The following MED16 variants were observed in gnomAD, a reference collection of about 807,000 sequenced individuals.
MED16 encodes mediator of RNA polymerase II transcription subunit 16.
MED16 carries 81 observed loss-of-function variants against 84.4 expected under a neutral mutation model. That is an observed-to-expected ratio of 0.96 (90% CI 0.80 to 1.15). The LOEUF (loss-of-function observed/expected upper bound fraction) is 1.15, where lower values mean the gene tolerates loss of function less well. Among genes scored for constraint, MED16 ranks in the 50% most tolerant of loss-of-function variants. The pLI, the probability that MED16 is intolerant of heterozygous loss-of-function variation, is 0.00. For missense variants in MED16, 1,585 were observed against 1,245.9 expected (o/e 1.27, Z -4.10); for synonymous variants, 897 against 552.2 (o/e 1.62, Z -8.76).
chr19:881,846 A>G, intron 6 of MED16, 132 bp from the exon 7 acceptor site: 1 of 1,123,956 alleles, frequency 8.9e-7, no homozygotes, highest in Non-Finnish European at 1.3e-6. Flanking sequence ...CCCTGCTCCC[A>G]TGCCCAGAAG....
Position 893,146 on chromosome 19 carries a change from G to C in MED16, c.-79C>G, listed in dbSNP as rs1325052993. 1 of 152,264 alleles carries C rather than the reference G, an allele frequency of 6.6e-6. No homozygotes were observed. The highest frequency in any genetic ancestry group is 1.5e-5 in the Non-Finnish European group (1 of 68,058). 9.4% of individuals were successfully genotyped at this position (152,264 alleles called of 1,614,324 possible). ...GCGGTGCGATCTTCCCTAGCGCCTCGGGTCTGGCGCCGCCATCTTCCTCGG... is the reference window on the plus strand; with the variant it reads ...GCGGTGCGATCTTCCCTAGCGCCTCCGGTCTGGCGCCGCCATCTTCCTCGG... On this transcript the variant is annotated 5_prime_UTR_variant, in exon 1 of 16. Coordinates refer to ENST00000325464, the MANE Select transcript of MED16 (RefSeq NM_005481.3).
Position 885,900 on chromosome 19 carries a change from C to A in MED16, c.749G>T (p.Ser250Ile). 1 of 1,613,638 alleles carries A rather than the reference C, an allele frequency of 6.2e-7. No individual in the cohort carries two copies. The highest frequency in any genetic ancestry group is 8.5e-7 in the Non-Finnish European group (1 of 1,179,964). ...CTCCGTGTCGATACGGCACTTCTCG[C>A]TCACCACGCTCACGCACACCTTGTA... ...QFYKVCVSVV[S>I]EKCRIDTEIL... The change falls in exon 5 of 16, where the codon AGC becomes ATC. Residue 250 changes from serine to isoleucine, a missense_variant. By Grantham distance (142) the Ser-to-Ile change is moderately radical. Transcript: ENST00000325464.
chr19:882,920 C>G (rs1413195079), intron 6 of MED16, among the ~76,000 whole-genome samples: 1 of 152,174 alleles, frequency 6.6e-6, no homozygotes, highest in Non-Finnish European at 1.5e-5. Flanking sequence ...GGGAAACAGG[C>G]CCAGAGAGTG....
rs765571659 is a variant in MED16 at position 871,576 on chromosome 19, A to AC, written c.2099-324dup. On this transcript the variant is annotated intron_variant, in intron 12 of 15. Transcript: ENST00000325464. ...AGCTCACCCTCCTCACATACACACAACCCGACAAGGAGAGACAGCAAACAG... is the reference window on the plus strand; with the variant it reads ...AGCTCACCCTCCTCACATACACACAACCCCGACAAGGAGAGACAGCAAACAG... The AC allele has an allele frequency of 2.2e-4, 357 of 1,594,712 alleles. 1 individual carries two copies. The highest frequency in any genetic ancestry group is 2.2e-4 in the Non-Finnish European group (260 of 1,178,622).
chr19:885,280 G>T (rs1166579655), intron 5 of MED16, among the ~76,000 whole-genome samples: 1 of 152,150 alleles, frequency 6.6e-6, no homozygotes, highest in African/African-American at 2.4e-5. Flanking sequence ...GGAGTTTGGG[G>T]CGTTACTGAT....
chr19:871,254 C>G lies in MED16; in HGVS notation c.2099-1G>C. On this transcript the variant is annotated splice_acceptor_variant, in intron 12 of 15. Transcript: ENST00000325464. LOFTEE classifies it high-confidence loss of function. The stretch of plus-strand genomic sequence containing the variant: ...TCGCTCGCTGGGCCCTCATCGCGAC[C>G]TGCGGAGAGAGGTGGCGGAAGTCTC... 6.5e-7 allele frequency: 1 copy of G among 1,533,604 alleles called. No homozygotes were observed. The highest frequency in any genetic ancestry group is 8.8e-7 in the Non-Finnish European group (1 of 1,134,796). The allele number at this position is 1,533,604 out of a possible 1,614,324, so 95.0% of individuals were successfully genotyped here. A position where few individuals can be genotyped will look rare whatever the true frequency, so the allele number is the denominator to read the frequency against.
intron 4 of MED16, among the ~76,000 whole-genome samples, chr19:889,076 C>A (rs1016294533): frequency 4.7e-5 from 6 of 128,616 alleles, no homozygotes; most frequent in Non-Finnish European, 8.3e-5. Flanking sequence ...GCCACGCCTA[C>A]TCTTAACTGT....
At chr19:876,861 G>T (rs992897078) in intron 9 of MED16, 113 bp downstream of exon 9, 3 of 1,045,826 alleles carry the variant, frequency 2.9e-6, no homozygotes, top group Non-Finnish European at 4.0e-6. Flanking sequence ...CACCTGGCAC[G>T]GGACCACCTG....
intron 6 of MED16, among the ~76,000 whole-genome samples, chr19:884,582 C>T (rs754726918): frequency 6.6e-6 from 1 of 152,154 alleles, no homozygotes; most frequent in Non-Finnish European, 1.5e-5. Context: ...GCTCCACAGC[C>T]GCCCACACGC....
At chr19:889,929 G>T in intron 3 of MED16, 122 bp from the exon 4 acceptor site, 1 of 1,224,596 alleles carries the variant, frequency 8.2e-7, no homozygotes, top group Non-Finnish European at 1.1e-6. Flanking sequence ...GTAGGGCACA[G>T]CAGGTGGCAC....
intron 11 of MED16, 119 bp downstream of exon 11, chr19:873,330 C>G (rs1171119979): frequency 4.0e-6 from 1 of 252,350 alleles, no homozygotes; most frequent in Non-Finnish European, 5.5e-6. Flanking sequence ...CAAGTAGGGG[C>G]GGGACTCCAA....
intron 9 of MED16, among the ~76,000 whole-genome samples, chr19:876,738 C>T (rs557953962): frequency 1.0e-3 from 152 of 152,212 alleles, no homozygotes; most frequent in African/African-American, 3.5e-3. Context: ...CCACATCTGC[C>T]GTGGGGACCT....
intron 9 of MED16, among the ~76,000 whole-genome samples, chr19:876,354 G>A (rs1357752206): frequency 6.6e-6 from 1 of 152,026 alleles, no homozygotes; most frequent in Admixed American, 6.5e-5. Flanking sequence ...TCCTTCCGAC[G>A]GGCGGGTCTC....
chr19:885,469 G>A (rs2036506550), intron 5 of MED16, among the ~76,000 whole-genome samples: 1 of 152,076 alleles, frequency 6.6e-6, no homozygotes, highest in African/African-American at 2.4e-5. Context: ...GGGTCCGGGG[G>A]CCCCAGTGTC....
intron 4 of MED16, among the ~76,000 whole-genome samples, chr19:888,359 T>TA (rs921524073): frequency 2.7e-5 from 4 of 150,334 alleles, no homozygotes; most frequent in East Asian, 3.9e-4. Context: ...CCGTCTCTAC[T>TA]AAAAAATTAC....
At chr19:883,995 C>T (rs1369175408) in intron 6 of MED16, among the ~76,000 whole-genome samples, 1 of 152,126 alleles carries the variant, frequency 6.6e-6, no homozygotes, top group Non-Finnish European at 1.5e-5. Context: ...ACTGCCTCTG[C>T]GGCCACAATG....
chr19:868,963 G>A lies in MED16; in HGVS notation c.2316-17C>T, dbSNP rs1319253120. 6.5e-7 allele frequency: 1 copy of A among 1,528,700 alleles called. No individual in the cohort carries two copies. The allele number at this position is 1,528,700 out of a possible 1,614,324, so 94.7% of individuals were successfully genotyped here. ...CCTGGGGCCCTGGCGGGAGAGGGGA[G>A]AACGTGAGGGAGGCCTGGGCACCAC... On this transcript the variant is annotated splice_polypyrimidine_tract_variant and intron_variant, in intron 13 of 15. Coordinates refer to ENST00000325464, the MANE Select transcript of MED16 (RefSeq NM_005481.3).
chr19:878,283 C>G (rs146712464), intron 8 of MED16, among the ~76,000 whole-genome samples: 74 of 64,848 alleles, frequency 1.1e-3, no homozygotes, highest in South Asian at 1.7e-3. Context: ...TCGCCTTCCC[C>G]TGGTTGTCAA....
intron 13 of MED16, 123 bp from the exon 14 acceptor site, chr19:869,069 C>T (rs2145184594): frequency 1.2e-6 from 1 of 839,938 alleles, no homozygotes. Flanking sequence ...GCCAGGTGGG[C>T]CCAGATGTCT....
Sources: allele counts gnomAD v4.1 joint callset (sites outside exome capture counted in the v4.1 genomes callset), GRCh38; gene constraint gnomAD v4.1.1; transcripts MANE v1.5; gene names NCBI Gene and HGNC (gene_info 2026-07-23, HGNC 2026-07-21).